The following KDSR variants were observed in gnomAD, a reference collection of about 807,000 sequenced individuals.
The protein encoded by KDSR is 3-ketodihydrosphingosine reductase.
In KDSR, 23 loss-of-function variants were observed where a neutral mutation model predicts 41.3. The ratio of observed to expected loss-of-function variants is 0.56; its 90% CI spans 0.40 to 0.79. The LOEUF is 0.79. Among genes scored for constraint, KDSR ranks in the 30% least tolerant of loss-of-function variants. KDSR has a pLI of 0.00. For missense variants in KDSR, 351 were observed against 416.8 expected, an observed-to-expected ratio of 0.84 and a Z score of 1.37; for synonymous variants, 138 against 151.7, an observed-to-expected ratio of 0.91 and a Z score of 0.66.
At chr18:63,360,303 T>C (rs1568283570) in intron 2 of KDSR, among the ~76,000 whole-genome samples, 1 of 152,336 alleles carries the variant, frequency 6.6e-6, no homozygotes, top group East Asian at 1.9e-4. Flanking sequence ...TAAAATACTC[T>C]TAAGCAAGGT....
chr18:63,365,612 G>C (rs1915113463), intron 1 of KDSR, among the ~76,000 whole-genome samples: 1 of 152,232 alleles, frequency 6.6e-6, no homozygotes, highest in Non-Finnish European at 1.5e-5. Flanking sequence ...AAGGACTGGA[G>C]TCAAGGCTCA....
chr18:63,352,576 A>G (rs912380026), intron 5 of KDSR, among the ~76,000 whole-genome samples: 11 of 152,100 alleles, frequency 7.2e-5, no homozygotes, highest in African/African-American at 2.2e-4. Flanking sequence ...TCGGCCTCCC[A>G]AAGTGTTGGG....
chr18:63,337,094 TTATATATATATATATGTGAATA>T (rs1914189122), intron 8 of KDSR, among the ~76,000 whole-genome samples: 1 of 38,702 alleles, frequency 2.6e-5, no homozygotes, highest in African/African-American at 6.6e-5. Context: ...ATATGTGACT[TTATATATATATATATGTGAATA>T]TATATATATA....
intron 7 of KDSR, among the ~76,000 whole-genome samples, chr18:63,339,708 A>G (rs1390765073): frequency 1.3e-5 from 2 of 152,212 alleles, no homozygotes; most frequent in African/African-American, 4.8e-5. Flanking sequence ...TCTTGTGGGC[A>G]GGGCCTTTTT....
At chr18:63,353,590 C>T (rs1914717504) in intron 5 of KDSR, among the ~76,000 whole-genome samples, 1 of 152,028 alleles carries the variant, frequency 6.6e-6, no homozygotes, top group African/African-American at 2.4e-5. Context: ...CCCAAATGGC[C>T]ATCGATGATG....
chr18:63,361,001 A>T (rs181445194), intron 2 of KDSR, among the ~76,000 whole-genome samples: 67,039 of 119,458 alleles, frequency 0.56, 19,540 homozygotes, highest in South Asian at 0.66. Flanking sequence ...CTAAAAAAAA[A>T]ATATATATAT....
chr18:63,336,669 A>G (rs1914168004), intron 8 of KDSR, among the ~76,000 whole-genome samples: 1 of 152,242 alleles, frequency 6.6e-6, no homozygotes, highest in South Asian at 2.1e-4. Flanking sequence ...AGATCCATTC[A>G]AAGTACAAGA....
At chr18:63,346,411 A>AT (rs1914503451) in intron 6 of KDSR, 2 of 152,356 alleles carry the variant, frequency 1.3e-5, no homozygotes, top group Non-Finnish European at 2.9e-5. Context: ...ACGAGTGGTC[A>AT]TTAGGCAGCC....
chr18:63,354,875 A>T (rs549854240), intron 5 of KDSR, among the ~76,000 whole-genome samples: 1 of 152,270 alleles, frequency 6.6e-6, no homozygotes, highest in East Asian at 1.9e-4. Context: ...GTTTGATAGG[A>T]ACATCCGGCA....
At chr18:63,360,815 C>T (rs375097482) in intron 2 of KDSR, among the ~76,000 whole-genome samples, 2 of 150,514 alleles carry the variant, frequency 1.3e-5, no homozygotes, top group Non-Finnish European at 2.9e-5. Flanking sequence ...GCCTGGGAGG[C>T]GGAGGTTGCA....
Position 63,350,962 on chromosome 18 carries a change from C to T in KDSR, c.535G>A (p.Gly179Arg). Residue 179 changes from glycine (G) to arginine (R), a missense_variant, in exon 6 of 10, where the codon GGA (glycine) becomes AGA (arginine). Transcript: ENST00000645214. The stretch of plus-strand genomic sequence containing the variant: ...GAGTAGGCTGTGAAACCGAATAATC[C>T]CAACTGTCCTGCCTGGGAGGACACA... ...VFVSSQAGQL[G>R]LFGFTAYSAS... 1 of 1,614,140 alleles carries T rather than the reference C, an allele frequency of 6.2e-7. No homozygotes were observed. Among genetic ancestry groups the T allele is most frequent in the Non-Finnish European group, 8.5e-7 (1 of 1,180,004 alleles).
intron 3 of KDSR, among the ~76,000 whole-genome samples, chr18:63,357,719 A>G (rs1914842623): frequency 6.6e-6 from 1 of 151,546 alleles, no homozygotes; most frequent in Non-Finnish European, 1.5e-5. Flanking sequence ...CCTCCTGAGT[A>G]GCTGGGGTTA....
rs113395154 is a variant in KDSR, at chr18:63,346,783, C to T, written c.610-2290G>A. ...ATTATTTTATTTATTCATGCAACAA[C>T]GAGCACTTACTGAATTACTTCTACA... On this transcript the variant is annotated intron_variant, in intron 6 of 9. Coordinates refer to ENST00000645214, the MANE Select transcript of KDSR (RefSeq NM_002035.4). Among the ~76,000 whole-genome samples, 438 of 152,240 alleles carry T rather than the reference C, an allele frequency of 2.9e-3. 2 individuals carry two copies. The highest frequency in any genetic ancestry group is 9.7e-3 in the African/African-American group (405 of 41,542).
At chr18:63,354,652 AG>A (rs1348261250) in intron 5 of KDSR, among the ~76,000 whole-genome samples, 1 of 152,234 alleles carries the variant, frequency 6.6e-6, no homozygotes, top group Non-Finnish European at 1.5e-5. Flanking sequence ...TGAGTGACAG[AG>A]TGAAATTCCA....
chr18:63,350,863 A>G, intron 6 of KDSR, 25 bp downstream of exon 6: 1 of 1,557,740 alleles, frequency 6.4e-7, no homozygotes, highest in Non-Finnish European at 8.8e-7. Context: ...AGAGGAATAA[A>G]TACAAAAATG....
intron 3 of KDSR, 74 bp downstream of exon 3, chr18:63,359,662 G>T: frequency 1.1e-6 from 1 of 947,062 alleles, no homozygotes. Flanking sequence ...ATTCACAGGT[G>T]AAGTAACTCT....
Position 63,355,209 on chromosome 18 carries a change from A to C in KDSR, c.412T>G (p.Phe138Val), listed in dbSNP as rs1196020974. 1.2e-6 allele frequency: 2 copies of C among 1,608,426 alleles called. No individual in the cohort carries two copies. Among genetic ancestry groups the C allele is most frequent in the Non-Finnish European group, 1.7e-6 (2 of 1,174,944 alleles). Reference protein sequence around the residue: ...GKFEDLEVSTFERLMSINYLG... With the variant: ...GKFEDLEVSTVERLMSINYLG... ...GAGCAAACATTTTTACTTACTTCAAAGGTACTAACTTCAAGATCTTCAAAT... is the reference window on the plus strand; with the variant it reads ...GAGCAAACATTTTTACTTACTTCAACGGTACTAACTTCAAGATCTTCAAAT... The change falls in exon 5 of 10, where the codon TTT (phenylalanine) becomes GTT (valine). Residue 138 changes from phenylalanine (F) to valine (V), a missense_variant. By Grantham distance (50) the Phe-to-Val change is conservative. Coordinates refer to ENST00000645214, the MANE Select transcript of KDSR (RefSeq NM_002035.4).
intron 9 of KDSR, among the ~76,000 whole-genome samples, chr18:63,334,556 C>T (rs1281653370): frequency 6.6e-6 from 1 of 152,084 alleles, no homozygotes; most frequent in Non-Finnish European, 1.5e-5. Flanking sequence ...ACCATCTTGG[C>T]CAGGCTGGTC....
intron 3 of KDSR, among the ~76,000 whole-genome samples, chr18:63,357,590 A>AT (rs879287574): frequency 0.011 from 1,010 of 95,132 alleles, 24 homozygotes; most frequent in African/African-American, 0.033. Flanking sequence ...ATATATATAT[A>AT]TATATTTTTT....
Sources: gnomAD v4.1 joint callset for allele counts (sites outside exome capture counted in the v4.1 genomes callset) on GRCh38, gnomAD v4.1.1 for gene constraint, MANE v1.5 for transcripts, NCBI Gene and HGNC (gene_info 2026-07-23, HGNC 2026-07-21) for gene names.